Variants in CELF2 observed in about 807,000 individuals in gnomAD.
CELF2 encodes CUG triplet repeat RNA-binding protein 2.
A neutral mutation model predicts 62.6 loss-of-function variants in CELF2; 8 were observed. That is an observed-to-expected ratio of 0.13 (90% CI 0.07 to 0.23). The LOEUF is 0.23. CELF2 is among the 10% of genes least tolerant of loss of function. CELF2 has a pLI of 1.00. For synonymous variants in CELF2, 258 were observed against 250.0 expected (o/e 1.03, Z -0.30); for missense variants, 333 against 671.0 (o/e 0.50, Z 5.56).
chr10:11,024,818 A>G (rs2058877229), intron 1 of CELF2, among the ~76,000 whole-genome samples: 1 of 152,184 alleles, frequency 6.6e-6, no homozygotes, highest in African/African-American at 2.4e-5. Flanking sequence ...ACTCAGGGAC[A>G]ATGAAATTAA....
the CELF2 span, among the ~76,000 whole-genome samples, chr10:10,624,379 C>T: frequency 6.6e-6 from 1 of 152,288 alleles, no homozygotes; most frequent in African/African-American, 2.4e-5. Flanking sequence ...AGTCATGCTT[C>T]GATGGCATTA....
the CELF2 span, among the ~76,000 whole-genome samples, chr10:10,575,253 A>G: frequency 3.9e-5 from 6 of 152,120 alleles, no homozygotes; most frequent in Non-Finnish European, 7.4e-5. Flanking sequence ...TTATTAACCC[A>G]TTCTTGAAGG....
At chr10:10,611,350 T>G in the CELF2 span, among the ~76,000 whole-genome samples, 79 of 152,228 alleles carry the variant, frequency 5.2e-4, no homozygotes, top group African/African-American at 1.9e-3. Context: ...TTACGAAAAT[T>G]TTGTATACCT....
intron 1 of CELF2, among the ~76,000 whole-genome samples, chr10:11,097,092 T>C (rs1246244741): frequency 6.6e-6 from 1 of 152,236 alleles, no homozygotes; most frequent in African/African-American, 2.4e-5. Context: ...AAAATTCTCC[T>C]GATCATGTTT....
At chr10:10,682,165 T>C in the CELF2 span, among the ~76,000 whole-genome samples, 1 of 152,180 alleles carries the variant, frequency 6.6e-6, no homozygotes, top group East Asian at 1.9e-4. Flanking sequence ...TAAAATCTTA[T>C]TTGCGTAGAT....
intron 2 of CELF2, among the ~76,000 whole-genome samples, chr10:11,175,717 G>A (rs1024645988): frequency 6.6e-6 from 1 of 152,148 alleles, no homozygotes; most frequent in East Asian, 1.9e-4. Context: ...CCCTGGGACC[G>A]TTTTAATGTT....
rs2094452329 is a variant in CELF2, at chr10:11,309,514, T to A, written c.977-4625T>A. On this transcript the variant is annotated intron_variant, in intron 9 of 12. Transcript: ENST00000633077. The surrounding 1 kb of genome is among the most constrained non-coding windows in gnomAD (Gnocchi z 5.6). ...CTGTTAAGTTTCTGGCTGCTGTATC[T>A]CTGTTGTTTTCACTTCCAGCTGTTA... Among the ~76,000 whole-genome samples, 1 of 152,218 alleles carries A rather than the reference T, an allele frequency of 6.6e-6. No homozygotes were observed. Among genetic ancestry groups the A allele is most frequent in the African/African-American group, 2.4e-5 (1 of 41,452 alleles).
chr10:10,500,936 G>A, the CELF2 span, among the ~76,000 whole-genome samples: 1 of 152,162 alleles, frequency 6.6e-6, no homozygotes, highest in East Asian at 1.9e-4. Context: ...ATTCTTCTAG[G>A]TTGTAGTGTG....
the CELF2 span, among the ~76,000 whole-genome samples, chr10:10,502,173 A>G: frequency 6.6e-6 from 1 of 151,854 alleles, no homozygotes. Context: ...GTGTTTTATT[A>G]AGGATTTTCG....
chr10:10,494,014 G>A, the CELF2 span, among the ~76,000 whole-genome samples: 1 of 152,170 alleles, frequency 6.6e-6, no homozygotes, highest in Non-Finnish European at 1.5e-5. Flanking sequence ...TTTGTTCTCA[G>A]GGGCCCTGAA....
At chr10:11,099,881 CAACAAAA>C (rs747931737) in intron 1 of CELF2, among the ~76,000 whole-genome samples, 28,632 of 133,514 alleles carry the variant, frequency 0.21, 3,412 homozygotes, top group African/African-American at 0.36. Flanking sequence ...ACAACAACAA[CAACAAAA>C]AAAAAAAAAA....
At chr10:11,065,517 A>G (rs1432073595) in intron 1 of CELF2, among the ~76,000 whole-genome samples, 1 of 152,166 alleles carries the variant, frequency 6.6e-6, no homozygotes, top group Non-Finnish European at 1.5e-5. Flanking sequence ...GATCATTGGA[A>G]TCATAAGGAG....
At position 11,237,082 on chromosome 10, in the gene CELF2, G is replaced by A. The variant is rs892790048; in HGVS notation, c.355-12071G>A. ...TTAAAAAGGCAATGGTGTAGAAGAT[G>A]GAAGGCAATGACCAGAACTGGTGAG... On this transcript the variant is annotated intron_variant, in intron 3 of 12. Coordinates refer to ENST00000633077, the MANE Select transcript of CELF2 (RefSeq NM_001326342.2). The surrounding 1 kb of genome is among the most constrained non-coding windows in gnomAD (Gnocchi z 4.0). Among the ~76,000 whole-genome samples the A allele has an allele frequency of 2.0e-5, 3 of 152,178 alleles. No homozygotes were observed. The highest frequency in any genetic ancestry group is 7.2e-5 in the African/African-American group (3 of 41,426).
chr10:10,538,959 GTA>G, the CELF2 span, among the ~76,000 whole-genome samples: 1 of 152,224 alleles, frequency 6.6e-6, no homozygotes, highest in Non-Finnish European at 1.5e-5. Flanking sequence ...GGACATAAAT[GTA>G]TGTAGTAAAG....
intron 1 of CELF2, among the ~76,000 whole-genome samples, chr10:10,835,266 A>T (rs1590972342): frequency 6.6e-6 from 1 of 151,724 alleles, no homozygotes; most frequent in Middle Eastern, 3.4e-3. Context: ...TTTTATTATT[A>T]TTTTTGTAGA....
At position 11,316,543 on chromosome 10, in the gene CELF2, G is replaced by A. The variant is rs1043669247; in HGVS notation, c.1096+2285G>A. On this transcript the variant is annotated intron_variant, in intron 10 of 12. Coordinates refer to ENST00000633077, the MANE Select transcript of CELF2 (RefSeq NM_001326342.2). This position sits in a 1 kb window ranked among gnomAD's most constrained non-coding sequence, Gnocchi z 4.4. Reference sequence around the variant, plus strand: ...CACTGGATAATTCCTAAAGAAATTCGTCAAGCAGTGGTTACCTGGACAGAG... The same window carrying A: ...CACTGGATAATTCCTAAAGAAATTCATCAAGCAGTGGTTACCTGGACAGAG... Among the ~76,000 whole-genome samples the A allele has an allele frequency of 5.3e-5, 8 of 152,092 alleles. No individual in the cohort carries two copies. Among genetic ancestry groups the A allele is most frequent in the African/African-American group, 9.7e-5 (4 of 41,400 alleles).
At chr10:11,000,704 C>G (rs957930876), upstream of CELF2, among the ~76,000 whole-genome samples, 12 of 152,164 alleles carry the variant, frequency 7.9e-5, no homozygotes, top group Non-Finnish European at 1.5e-4. Context: ...CTGTCAAACC[C>G]TTTCTTTAGC....
chr10:11,307,939 A>ACAGTT (rs1237497661), intron 9 of CELF2, among the ~76,000 whole-genome samples: 1 of 152,158 alleles, frequency 6.6e-6, no homozygotes, highest in Non-Finnish European at 1.5e-5. Flanking sequence ...AAAGGTGGGG[A>ACAGTT]GACTGGTGAG....
At chr10:11,257,938 A>G in intron 5 of CELF2, 66 bp downstream of exon 5, 1 of 1,590,648 alleles carries the variant, frequency 6.3e-7, no homozygotes. Flanking sequence ...CACAGTCGAG[A>G]CAGATGTAGG....
Sources: allele counts gnomAD v4.1 joint callset (sites outside exome capture counted in the v4.1 genomes callset), GRCh38; gene constraint gnomAD v4.1.1; non-coding constraint Gnocchi (gnomAD v3.1); transcripts MANE v1.5; gene names NCBI Gene and HGNC (gene_info 2026-07-23, HGNC 2026-07-21).